SGCD: variants seen among roughly 807,000 people sequenced by gnomAD.
SGCD encodes the protein delta-sarcoglycan.
Under a neutral mutation model 36.6 loss-of-function variants are expected in SGCD, and 18 were observed. That is an observed-to-expected ratio of 0.49 (90% CI 0.34 to 0.73). The LOEUF (loss-of-function observed/expected upper bound fraction) is 0.73. Ranked by LOEUF, SGCD falls within the 30% of genes least tolerant of loss-of-function variation. The pLI, the probability that SGCD is intolerant of heterozygous loss-of-function variation, is 0.01. For missense variants in SGCD, 387 were observed against 346.7 expected, an observed-to-expected ratio of 1.12 and a Z score of -0.92; for synonymous variants, 133 against 130.6, an observed-to-expected ratio of 1.02 and a Z score of -0.12.
chr5:156,554,618 A>G (rs1015280088), intron 4 of SGCD, among the ~76,000 whole-genome samples: 25 of 148,762 alleles, frequency 1.7e-4, no homozygotes, highest in African/African-American at 6.1e-4. Context: ...ACATATATGT[A>G]TATAAACATG....
intron 7 of SGCD, among the ~76,000 whole-genome samples, chr5:156,695,138 TTGTG>T (rs35024208): frequency 6.9e-6 from 1 of 145,816 alleles, no homozygotes; most frequent in Non-Finnish European, 1.5e-5. Flanking sequence ...GTGTGTGTGT[TTGTG>T]TGTGTGTGTG....
At chr5:156,694,872 C>T (rs1238803911) in intron 7 of SGCD, among the ~76,000 whole-genome samples, 1 of 152,094 alleles carries the variant, frequency 6.6e-6, no homozygotes, top group East Asian at 1.9e-4. Flanking sequence ...GCTGGTGCTA[C>T]ACCAAAACAA....
the SGCD span, among the ~76,000 whole-genome samples, chr5:155,849,439 TGC>T: frequency 3.5e-5 from 5 of 143,380 alleles, no homozygotes; most frequent in East Asian, 1.0e-3. Flanking sequence ...CACACACATG[TGC>T]GCGCGCACAC....
intron 7 of SGCD, among the ~76,000 whole-genome samples, chr5:156,680,405 T>G (rs1208641385): frequency 1.3e-5 from 2 of 152,200 alleles, no homozygotes; most frequent in Non-Finnish European, 2.9e-5. Context: ...AGACAGTCCT[T>G]ACCCTACCAC....
At chr5:155,948,352 C>A (rs540689596) in intron 1 of SGCD, among the ~76,000 whole-genome samples, 1 of 152,162 alleles carries the variant, frequency 6.6e-6, no homozygotes, top group Non-Finnish European at 1.5e-5. Flanking sequence ...AGGTACTCAA[C>A]ATATACATTT....
intron 3 of SGCD, among the ~76,000 whole-genome samples, chr5:156,217,824 T>C (rs569758125): frequency 1.9e-4 from 29 of 151,898 alleles, no homozygotes; most frequent in African/African-American, 6.3e-4. Context: ...TATATATATA[T>C]ACACACACAC....
intron 3 of SGCD, among the ~76,000 whole-genome samples, chr5:156,205,027 T>C (rs1405050985): frequency 6.6e-6 from 1 of 152,092 alleles, no homozygotes; most frequent in Non-Finnish European, 1.5e-5. Flanking sequence ...ACCTGAACAA[T>C]ATCAATTGCT....
At chr5:156,145,481 ATAAGGGCATTT>A (rs1762688338) in intron 3 of SGCD, among the ~76,000 whole-genome samples, 1 of 152,228 alleles carries the variant, frequency 6.6e-6, no homozygotes, top group Admixed American at 6.5e-5. Flanking sequence ...TGAGGTCATA[ATAAGGGCATTT>A]TAAAGCATCA....
intron 3 of SGCD, among the ~76,000 whole-genome samples, chr5:156,431,000 TA>T (rs1263617756): frequency 6.6e-6 from 1 of 152,174 alleles, no homozygotes; most frequent in Non-Finnish European, 1.5e-5. Flanking sequence ...TGGTTGTAGA[TA>T]AGGCAGGTGG....
intron 4 of SGCD, among the ~76,000 whole-genome samples, chr5:156,521,753 T>C (rs1013927884): frequency 2.6e-5 from 4 of 152,170 alleles, no homozygotes; most frequent in Admixed American, 2.6e-4. Context: ...GGTGGGAATA[T>C]AAATTAGTTT....
chr5:156,625,554 G>T (rs1381299762), intron 6 of SGCD, among the ~76,000 whole-genome samples: 1 of 152,172 alleles, frequency 6.6e-6, no homozygotes, highest in East Asian at 1.9e-4. Flanking sequence ...CAGAGGAAAT[G>T]CTAGATTCCA....
At chr5:156,165,605 A>G (rs1763194778) in intron 3 of SGCD, among the ~76,000 whole-genome samples, 1 of 152,204 alleles carries the variant, frequency 6.6e-6, no homozygotes, top group Admixed American at 6.5e-5. Flanking sequence ...TGAATCCTTG[A>G]ACCTGCAGAT....
At chr5:155,960,561 G>A (rs1351968425) in intron 1 of SGCD, among the ~76,000 whole-genome samples, 1 of 152,126 alleles carries the variant, frequency 6.6e-6, no homozygotes, top group African/African-American at 2.4e-5. Flanking sequence ...TTGTTTTCAA[G>A]ATAGTCCAGA....
At chr5:156,744,804 G>T (rs1416025009) in intron 7 of SGCD, among the ~76,000 whole-genome samples, 1 of 152,144 alleles carries the variant, frequency 6.6e-6, no homozygotes, top group African/African-American at 2.4e-5. Context: ...AATTTAAAAA[G>T]AAGCTGCCAA....
chr5:156,371,800 G>A (rs975356985), intron 3 of SGCD, among the ~76,000 whole-genome samples: 7 of 152,152 alleles, frequency 4.6e-5, no homozygotes, highest in Admixed American at 1.3e-4. Flanking sequence ...GATATGCTCC[G>A]TCTAATCTCC....
chr5:156,601,735 G>A (rs1468885857), intron 6 of SGCD, among the ~76,000 whole-genome samples: 1 of 152,188 alleles, frequency 6.6e-6, no homozygotes, highest in East Asian at 1.9e-4. Context: ...CCATGCTGGA[G>A]TGCAGTGGCG....
Position 155,959,155 on chromosome 5 carries a change from G to A in SGCD, c.-282+88731G>A, listed in dbSNP as rs549150684. ...TTGGCTACAGTGAGGTCATTTATAG[G>A]TACCTGGCATAATTTCTTAGTTTAA... On this transcript the variant is annotated intron_variant, in intron 1 of 9. Coordinates refer to the SGCD transcript ENST00000517913. Among the ~76,000 whole-genome samples, 39 of 152,192 alleles carry A rather than the reference G, an allele frequency of 2.6e-4. 1 individual carries two copies. In the South Asian group the frequency reaches 7.5e-3, roughly 29 times the overall value.
intron 3 of SGCD, among the ~76,000 whole-genome samples, chr5:156,228,704 TTTTTTG>T (rs1322444492): frequency 1.3e-5 from 2 of 152,110 alleles, no homozygotes; most frequent in African/African-American, 4.8e-5. Context: ...TATACCGTGG[TTTTTTG>T]TTTTTGTTTT....
intron 6 of SGCD, among the ~76,000 whole-genome samples, chr5:156,626,923 G>A (rs1762461267): frequency 6.6e-6 from 1 of 152,200 alleles, no homozygotes; most frequent in Admixed American, 6.5e-5. Flanking sequence ...TGTGTGTTAA[G>A]TTTGAGAAGC....
Sources: allele counts gnomAD v4.1 joint callset (sites outside exome capture counted in the v4.1 genomes callset), GRCh38; gene constraint gnomAD v4.1.1; transcripts MANE v1.5; gene names NCBI Gene and HGNC (gene_info 2026-07-23, HGNC 2026-07-21).